The following GRID2 variants were observed in gnomAD, a reference collection of about 807,000 sequenced individuals.
GRID2 encodes the protein glutamate ionotropic receptor delta type subunit 2.
In GRID2, 33 loss-of-function variants were observed where a neutral mutation model predicts 114.8. That is an observed-to-expected ratio of 0.29 (90% confidence interval 0.22 to 0.38). The LOEUF (loss-of-function observed/expected upper bound fraction) is 0.38, where lower values mean the gene tolerates loss of function less well. GRID2 is among the 10% of genes least tolerant of loss of function. GRID2 has a pLI of 1.00. For synonymous variants in GRID2, 505 were observed against 449.9 expected, an observed-to-expected ratio of 1.12 and a Z score of -1.55; for missense variants, 1,184 against 1,257.7, an observed-to-expected ratio of 0.94 and a Z score of 0.89.
At chr4:93,303,742 ACCATCCAT>A (rs151284691) in intron 8 of GRID2, among the ~76,000 whole-genome samples, 1 of 151,908 alleles carries the variant, frequency 6.6e-6, no homozygotes, top group Non-Finnish European at 1.5e-5. Context: ...AATCCATTCT[ACCATCCAT>A]CCATCCATCC....
intron 8 of GRID2, among the ~76,000 whole-genome samples, chr4:93,378,189 T>C (rs115420633): frequency 0.012 from 1,890 of 152,222 alleles, 45 homozygotes; most frequent in African/African-American, 0.043. Flanking sequence ...CTGAAAATAA[T>C]TTAATATGTT....
intron 2 of GRID2, among the ~76,000 whole-genome samples, chr4:92,657,299 C>T (rs1732289726): frequency 6.6e-6 from 1 of 150,780 alleles, no homozygotes; most frequent in African/African-American, 2.5e-5. Flanking sequence ...TGAACTGTCA[C>T]TTTACTTTCT....
rs111368129 is a variant in GRID2 at position 92,471,135 on chromosome 4, C to T, written c.89-118996C>T. Among the ~76,000 whole-genome samples, 13 of 151,908 alleles carry T rather than the reference C, an allele frequency of 8.6e-5. No homozygotes were observed. The East Asian group carries it at 1.7e-3, about 20-fold the overall frequency. ...TGTATATATGAGCATCATGTAAGAG[C>T]GAATGGTACAGTAAAAACCCCAAGG... On this transcript the variant is annotated intron_variant, in intron 1 of 15. Transcript: ENST00000282020.
chr4:92,642,837 T>C (rs1007609538), intron 2 of GRID2, among the ~76,000 whole-genome samples: 38 of 151,684 alleles, frequency 2.5e-4, no homozygotes, highest in Admixed American at 2.2e-3. Flanking sequence ...TTTTTGTATA[T>C]GGTAAAATTT....
intron 1 of GRID2, among the ~76,000 whole-genome samples, chr4:92,579,057 C>G (rs369509824): frequency 1.3e-5 from 2 of 152,076 alleles, no homozygotes; most frequent in East Asian, 3.8e-4. Context: ...AGATATATAT[C>G]ATAGTAGAAG....
chr4:93,747,193 C>G (rs1374132415), intron 14 of GRID2, among the ~76,000 whole-genome samples: 1 of 151,876 alleles, frequency 6.6e-6, no homozygotes, highest in Non-Finnish European at 1.5e-5. Context: ...TAAAACATGC[C>G]TTTGTATATA....
chr4:93,343,690 A>G (rs923433532), intron 8 of GRID2, among the ~76,000 whole-genome samples: 1 of 152,016 alleles, frequency 6.6e-6, no homozygotes, highest in Non-Finnish European at 1.5e-5. Flanking sequence ...ATTTTTTTAA[A>G]TGTTTGGTAG....
At chr4:93,212,744 A>G (rs1265343741) in intron 5 of GRID2, among the ~76,000 whole-genome samples, 2 of 150,350 alleles carry the variant, frequency 1.3e-5, no homozygotes, top group Non-Finnish European at 2.9e-5. Flanking sequence ...ATTACATTTA[A>G]TGAGAAAGTT....
intron 3 of GRID2, among the ~76,000 whole-genome samples, chr4:93,109,246 G>T (rs1033032634): frequency 2.0e-5 from 3 of 151,962 alleles, no homozygotes; most frequent in Non-Finnish European, 4.4e-5. Context: ...CTTTTAACCT[G>T]CTTTGATGGT....
chr4:93,631,944 A>G (rs1720935802), intron 14 of GRID2, among the ~76,000 whole-genome samples: 1 of 152,028 alleles, frequency 6.6e-6, no homozygotes, highest in Admixed American at 6.6e-5. Flanking sequence ...TGTAGTTTTG[A>G]TTTGCATTTC....
intron 1 of GRID2, among the ~76,000 whole-genome samples, chr4:92,542,093 T>G (rs1015174180): frequency 6.6e-6 from 1 of 152,108 alleles, no homozygotes; most frequent in Non-Finnish European, 1.5e-5. Context: ...TATTTGAAAA[T>G]GTAGTTCCCA....
chr4:92,314,969 G>T (rs1399546110), intron 1 of GRID2, among the ~76,000 whole-genome samples: 1 of 151,946 alleles, frequency 6.6e-6, no homozygotes, highest in Non-Finnish European at 1.5e-5. Context: ...TCCTTTTATG[G>T]ATCTTTTACT....
At chr4:93,586,644 T>G (rs1737564660) in intron 13 of GRID2, among the ~76,000 whole-genome samples, 1 of 152,088 alleles carries the variant, frequency 6.6e-6, no homozygotes, top group Non-Finnish European at 1.5e-5. Context: ...GTCAGAAAGC[T>G]TAGATGATTT....
intron 2 of GRID2, among the ~76,000 whole-genome samples, chr4:93,024,480 A>G (rs1239061676): frequency 1.3e-5 from 2 of 151,808 alleles, no homozygotes; most frequent in African/African-American, 4.8e-5. Flanking sequence ...AAGTTAAGCA[A>G]ATTTGCCTGT....
intron 1 of GRID2, among the ~76,000 whole-genome samples, chr4:92,375,791 A>G (rs1729328284): frequency 6.6e-6 from 1 of 152,168 alleles, no homozygotes; most frequent in South Asian, 2.1e-4. Flanking sequence ...GCATGAGGAA[A>G]TGTGCTCAAA....
chr4:93,801,460 G>A (rs1734926543), intron 1 of GRID2, among the ~76,000 whole-genome samples: 1 of 151,910 alleles, frequency 6.6e-6, no homozygotes, highest in African/African-American at 2.4e-5. Flanking sequence ...CATAAAGTAT[G>A]ATATGTGAGT....
chr4:92,520,638 C>A (rs529821205), intron 1 of GRID2, among the ~76,000 whole-genome samples: 3 of 152,076 alleles, frequency 2.0e-5, no homozygotes, highest in African/African-American at 7.2e-5. Flanking sequence ...CCTACAGATG[C>A]ACTCTTTCTT....
intron 9 of GRID2, among the ~76,000 whole-genome samples, chr4:93,418,643 T>G (rs1905732): frequency 0.7 from 105,862 of 151,864 alleles, 37,370 homozygotes; most frequent in African/African-American, 0.81. Context: ...AAAAGTAACT[T>G]AGGTTTCTAC....
At chr4:92,335,952 A>T (rs1727139045) in intron 1 of GRID2, among the ~76,000 whole-genome samples, 1 of 152,186 alleles carries the variant, frequency 6.6e-6, no homozygotes. Context: ...GACAAAATTT[A>T]TGTGTATACA....
Sources: gnomAD v4.1 joint callset for allele counts (sites outside exome capture counted in the v4.1 genomes callset) on GRCh38, gnomAD v4.1.1 for gene constraint, MANE v1.5 for transcripts, NCBI Gene and HGNC (gene_info 2026-07-23, HGNC 2026-07-21) for gene names.